Variants in FAM13A observed in about 807,000 individuals in gnomAD.
FAM13A encodes the protein protein FAM13A.
Under a neutral mutation model 129.6 loss-of-function variants are expected in FAM13A, and 76 were observed. The ratio of observed to expected loss-of-function variants is 0.59; its 90% confidence interval spans 0.49 to 0.71. The LOEUF is 0.71. Ranked by LOEUF, FAM13A falls within the 30% of genes least tolerant of loss-of-function variation. The pLI is 0.00. For missense variants in FAM13A, 1,108 were observed against 1,249.3 expected, an observed-to-expected ratio of 0.89 and a Z score of 1.70; for synonymous variants, 443 against 449.9, an observed-to-expected ratio of 0.98 and a Z score of 0.20.
At chr4:88,993,434 C>T (rs1763163474) in intron 3 of FAM13A, among the ~76,000 whole-genome samples, 1 of 152,190 alleles carries the variant, frequency 6.6e-6, no homozygotes, top group Non-Finnish European at 1.5e-5. Context: ...AGCATTACAA[C>T]AGCCTTGATA....
chr4:89,024,631 C>A (rs1579822871), intron 2 of FAM13A, among the ~76,000 whole-genome samples: 1 of 152,200 alleles, frequency 6.6e-6, no homozygotes, highest in African/African-American at 2.4e-5. Flanking sequence ...CTGTGTATCA[C>A]AGGTGTACAG....
At chr4:88,813,820 G>A (rs1244861426) in intron 7 of FAM13A, among the ~76,000 whole-genome samples, 1 of 152,178 alleles carries the variant, frequency 6.6e-6, no homozygotes, top group African/African-American at 2.4e-5. Flanking sequence ...CAACTGGAAA[G>A]TGAATGAAGG....
rs1484557779 is a variant in FAM13A at position 88,760,473 on chromosome 4, G to C, written c.1579-1572C>G. Among the ~76,000 whole-genome samples the C allele has an allele frequency of 5.2e-5, 4 of 77,224 alleles. 2 individuals carry two copies. The highest frequency in any genetic ancestry group is 1.5e-4 in the Non-Finnish European group (4 of 26,846). 50.7% of individuals were successfully genotyped at this position (77,224 alleles called of 152,430 possible). ...CAAAAAATTAGCCGGGCGTGGTGGCGGGCGCCTGTGGTCCCGGCTACTCGG... is the reference window on the plus strand; with the variant it reads ...CAAAAAATTAGCCGGGCGTGGTGGCCGGCGCCTGTGGTCCCGGCTACTCGG... On this transcript the variant is annotated intron_variant, in intron 13 of 23. Coordinates refer to ENST00000264344, the MANE Select transcript of FAM13A (RefSeq NM_014883.4).
At chr4:89,038,024 T>G (rs1450621807) in intron 1 of FAM13A, among the ~76,000 whole-genome samples, 2 of 152,192 alleles carry the variant, frequency 1.3e-5, no homozygotes, top group South Asian at 2.1e-4. Flanking sequence ...ACATGGCTGG[T>G]AAGGTTTAGA....
chr4:88,871,195 C>A (rs909322444), intron 6 of FAM13A, among the ~76,000 whole-genome samples: 1 of 152,196 alleles, frequency 6.6e-6, no homozygotes, highest in Non-Finnish European at 1.5e-5. Context: ...GGGGAGAAAA[C>A]AGAGCAGAAA....
Position 88,887,565 on chromosome 4 carries a change from C to G in FAM13A, c.843+18814G>C, listed in dbSNP as rs187502139. Among the ~76,000 whole-genome samples, 398 of 143,004 alleles carry G rather than the reference C, an allele frequency of 2.8e-3. 2 individuals are homozygous for G. Among genetic ancestry groups the G allele is most frequent in the African/African-American group, 8.9e-3 (340 of 38,250 alleles). The allele number at this position is 143,004 out of a possible 152,430, so 93.8% of individuals were successfully genotyped here. A position where few individuals can be genotyped will look rare whatever the true frequency, so the allele number is the denominator to read the frequency against. On this transcript the variant is annotated intron_variant, in intron 6 of 23. Coordinates refer to ENST00000264344, the MANE Select transcript of FAM13A (RefSeq NM_014883.4). ...TTTTTTTTTGAGACAGAGTCTCCCT[C>G]TGTTGCCCAGGCTGGAGTGCAGTAG...
intron 7 of FAM13A, among the ~76,000 whole-genome samples, chr4:88,824,005 A>T (rs1021812307): frequency 2.6e-5 from 4 of 151,148 alleles, no homozygotes; most frequent in South Asian, 4.2e-4. Context: ...TTTTATTTTT[A>T]TTTTTTTTTA....
intron 1 of FAM13A, among the ~76,000 whole-genome samples, chr4:89,049,803 C>A (rs897095851): frequency 1.3e-5 from 2 of 152,180 alleles, no homozygotes; most frequent in African/African-American, 4.8e-5. Flanking sequence ...CTTACAGGCA[C>A]CTGCCACCAT....
At chr4:88,924,729 C>T (rs1461612293) in intron 5 of FAM13A, among the ~76,000 whole-genome samples, 4 of 151,894 alleles carry the variant, frequency 2.6e-5, no homozygotes, top group African/African-American at 4.8e-5. Context: ...TAAAGAGCTG[C>T]TGCACAGCAA....
chr4:88,789,922 TAA>T (rs2149671571), intron 9 of FAM13A, among the ~76,000 whole-genome samples: 1 of 152,200 alleles, frequency 6.6e-6, no homozygotes, highest in East Asian at 1.9e-4. Flanking sequence ...GGCTGAAGTG[TAA>T]TGAGCAATAT....
At chr4:88,737,023 A>ATC (rs1739128480) in intron 21 of FAM13A, among the ~76,000 whole-genome samples, 1 of 152,176 alleles carries the variant, frequency 6.6e-6, no homozygotes, top group Non-Finnish European at 1.5e-5. Context: ...TTATATATAT[A>ATC]TTTCCTATGT....
chr4:89,009,161 T>C (rs1201097896), intron 3 of FAM13A: 1 of 152,200 alleles, frequency 6.6e-6, no homozygotes, highest in African/African-American at 2.4e-5. Context: ...GATCCTACTG[T>C]AAAATTAAAT....
chr4:88,755,565 T>C (rs182631635), intron 14 of FAM13A, among the ~76,000 whole-genome samples: 130 of 152,300 alleles, frequency 8.5e-4, no homozygotes, highest in Non-Finnish European at 1.5e-3. Context: ...CCCACAAGGA[T>C]ATAAAACTGA....
At chr4:88,836,685 G>A (rs1021499815) in intron 7 of FAM13A, among the ~76,000 whole-genome samples, 1 of 152,174 alleles carries the variant, frequency 6.6e-6, no homozygotes, top group Non-Finnish European at 1.5e-5. Context: ...TGGTCCAGGT[G>A]CGGTGGCTCA....
intron 8 of FAM13A, among the ~76,000 whole-genome samples, chr4:88,796,089 C>T (rs1352036993): frequency 1.3e-5 from 2 of 151,616 alleles, no homozygotes; most frequent in Non-Finnish European, 3.0e-5. Flanking sequence ...GCTTTTTCTT[C>T]CTTTCTATAA....
At chr4:88,990,917 G>A (rs1037202396) in intron 4 of FAM13A, 56 bp downstream of exon 4, 5 of 1,326,750 alleles carry the variant, frequency 3.8e-6, no homozygotes, top group Non-Finnish European at 5.4e-6. Flanking sequence ...ATTTCAGACA[G>A]TAGTAAACAC....
At position 88,906,566 on chromosome 4, in the gene FAM13A, AT is replaced by A. The variant is rs1304574306; in HGVS notation, c.760-105del. 3 of 754,348 alleles carry A rather than the reference AT, an allele frequency of 4.0e-6. No homozygotes were observed. The African/African-American group carries it at 5.3e-5, about 13-fold the overall frequency. The allele number at this position is 754,348 out of a possible 1,614,324, so 46.7% of individuals were successfully genotyped here. On this transcript the variant is annotated intron_variant, in intron 5 of 23. Coordinates refer to ENST00000264344, the MANE Select transcript of FAM13A (RefSeq NM_014883.4). Reference sequence around the variant, plus strand: ...AGTTTTGAAGAGAGAGCATTTCTGGATTGAGTTGTTCACATCAGAAGCTGGT... The same window carrying A: ...AGTTTTGAAGAGAGAGCATTTCTGGATGAGTTGTTCACATCAGAAGCTGGT...
intron 9 of FAM13A, among the ~76,000 whole-genome samples, chr4:88,788,563 A>C (rs772309729): frequency 6.6e-6 from 1 of 152,188 alleles, no homozygotes; most frequent in Non-Finnish European, 1.5e-5. Flanking sequence ...CATATTACTG[A>C]AATTGGAAGG....
chr4:88,938,342 T>A, intron 4 of FAM13A, 101 bp from the exon 5 acceptor site: 2 of 850,202 alleles, frequency 2.4e-6, no homozygotes, highest in Non-Finnish European at 3.5e-6. Context: ...ATAATTAGCC[T>A]TATAGGGATG....
Sources: gnomAD v4.1 joint callset for allele counts (sites outside exome capture counted in the v4.1 genomes callset) on GRCh38, gnomAD v4.1.1 for gene constraint, MANE v1.5 for transcripts, NCBI Gene and HGNC (gene_info 2026-07-23, HGNC 2026-07-21) for gene names.